RTL4: variants seen among roughly 807,000 people sequenced by gnomAD.
The protein encoded by RTL4 is retrotransposon Gag-like protein 4.
A neutral mutation model predicts 5.3 loss-of-function variants in RTL4; 4 were observed. That is an observed-to-expected ratio of 0.75 (90% CI 0.37 to 1.72). The LOEUF (loss-of-function observed/expected upper bound fraction) is 1.72. RTL4 is among the 40% of genes most tolerant of loss of function. The pLI is 0.04. For missense variants in RTL4, 260 were observed against 227.1 expected (o/e 1.14, Z -0.93); for synonymous variants, 98 against 87.3 (o/e 1.12, Z -0.68).
the RTL4 span, chrX:112,381,296 C>A: frequency 2.5e-6 from 3 of 1,209,540 alleles, no homozygotes; most frequent in Non-Finnish European, 3.4e-6. Flanking sequence ...CCCCAGAAGG[C>A]TCCTTCCACC....
the RTL4 span, among the ~76,000 whole-genome samples, chrX:112,329,941 C>T: frequency 1.8e-5 from 2 of 108,182 alleles, no homozygotes; most frequent in African/African-American, 6.8e-5. Context: ...CAGAAAAGGC[C>T]TTTGACAAAA....
At chrX:112,296,465 T>C in the RTL4 span, among the ~76,000 whole-genome samples, 1 of 111,357 alleles carries the variant, frequency 9.0e-6, no homozygotes, top group Non-Finnish European at 1.9e-5. Context: ...TGTGACTTCC[T>C]ACACCCACAC....
At chrX:112,100,589 A>G in the RTL4 span, among the ~76,000 whole-genome samples, 1 of 112,107 alleles carries the variant, frequency 8.9e-6, no homozygotes, top group African/African-American at 3.2e-5. Context: ...GGAAAAACCT[A>G]AAATATCAGG....
chrX:112,364,731 CAG>C, the RTL4 span, among the ~76,000 whole-genome samples: 1 of 111,024 alleles, frequency 9.0e-6, no homozygotes, highest in East Asian at 2.8e-4. Flanking sequence ...GATGAAGAAA[CAG>C]AAATACTAAA....
At chrX:112,164,616 G>A in the RTL4 span, among the ~76,000 whole-genome samples, 4 of 112,063 alleles carry the variant, frequency 3.6e-5, no homozygotes, top group African/African-American at 9.7e-5. Flanking sequence ...TGCCAGAGGA[G>A]GCTGAGTGTC....
chrX:112,306,303 G>A, the RTL4 span, among the ~76,000 whole-genome samples: 2 of 111,405 alleles, frequency 1.8e-5, no homozygotes, highest in African/African-American at 3.3e-5. Context: ...GGTGTGCAGT[G>A]TGCTCATAAA....
At chrX:112,117,209 T>C in the RTL4 span, among the ~76,000 whole-genome samples, 10 of 110,219 alleles carry the variant, frequency 9.1e-5, no homozygotes, top group Admixed American at 9.7e-4. Context: ...AATCGTTATA[T>C]GGTAAATACA....
At chrX:112,360,796 A>G in the RTL4 span, among the ~76,000 whole-genome samples, 1 of 110,693 alleles carries the variant, frequency 9.0e-6, no homozygotes, top group African/African-American at 3.3e-5. Context: ...CTTCTGAAAA[A>G]AAATGGAGAA....
chrX:112,262,326 A>T, the RTL4 span, among the ~76,000 whole-genome samples: 10 of 112,105 alleles, frequency 8.9e-5, no homozygotes, highest in Admixed American at 4.7e-4. Context: ...GAATCTACAA[A>T]GAACTCAAAC....
upstream of RTL4, among the ~76,000 whole-genome samples, chrX:112,450,684 A>G (rs2147893275): frequency 8.9e-6 from 1 of 112,161 alleles, no homozygotes; most frequent in South Asian, 3.7e-4. Flanking sequence ...CCAGTGCTAC[A>G]TAATTAGGAA....
the RTL4 span, among the ~76,000 whole-genome samples, chrX:112,119,333 G>T: frequency 9.0e-6 from 1 of 110,565 alleles, no homozygotes; most frequent in Admixed American, 9.7e-5. Context: ...AGGATCTGCA[G>T]GAGAGGTCAA....
At chrX:112,263,933 G>A in the RTL4 span, among the ~76,000 whole-genome samples, 2 of 111,724 alleles carry the variant, frequency 1.8e-5, no homozygotes, top group Non-Finnish European at 3.8e-5. Flanking sequence ...GAAGAGAGAG[G>A]AGTTTAAGGA....
upstream of RTL4, among the ~76,000 whole-genome samples, chrX:112,451,704 A>G (rs988812020): frequency 5.4e-5 from 6 of 111,611 alleles, no homozygotes; most frequent in Non-Finnish European, 1.1e-4. Context: ...TTTAGAAGTG[A>G]CATCCTTACC....
chrX:112,122,843 C>A, the RTL4 span, among the ~76,000 whole-genome samples: 2 of 110,771 alleles, frequency 1.8e-5, no homozygotes, highest in African/African-American at 6.5e-5. Flanking sequence ...TGTATGACAC[C>A]TTATTTTCTA....
At chrX:112,373,899 C>A in the RTL4 span, among the ~76,000 whole-genome samples, 3 of 110,431 alleles carry the variant, frequency 2.7e-5, no homozygotes, top group Non-Finnish European at 5.7e-5. Context: ...TTTCTTTATT[C>A]TTTTCTTTGT....
chrX:112,225,410 T>G, the RTL4 span, among the ~76,000 whole-genome samples: 1 of 112,176 alleles, frequency 8.9e-6, no homozygotes, highest in Non-Finnish European at 1.9e-5. Context: ...TGTTGCCAAC[T>G]TCTTTATAAC....
the RTL4 span, among the ~76,000 whole-genome samples, chrX:112,178,709 C>T: frequency 9.0e-6 from 1 of 111,441 alleles, no homozygotes; most frequent in African/African-American, 3.3e-5. Context: ...AATTGCAACT[C>T]CCCTTACCTC....
the RTL4 span, among the ~76,000 whole-genome samples, chrX:112,119,974 A>G: frequency 8.9e-6 from 1 of 112,247 alleles, no homozygotes; most frequent in South Asian, 3.7e-4. Context: ...GAAAATTATA[A>G]TGAGTTAATG....
the RTL4 span, among the ~76,000 whole-genome samples, chrX:112,209,561 A>C: frequency 9.0e-6 from 1 of 111,700 alleles, no homozygotes; most frequent in African/African-American, 3.3e-5. Context: ...GGAACGCCCC[A>C]TGAGGCCATC....
Sources: allele counts gnomAD v4.1 joint callset (sites outside exome capture counted in the v4.1 genomes callset), GRCh38; gene constraint gnomAD v4.1.1; transcripts MANE v1.5; gene names NCBI Gene and HGNC (gene_info 2026-07-23, HGNC 2026-07-21).